The following SSH2 variants were observed in gnomAD, a reference collection of about 807,000 sequenced individuals.
SSH2 encodes slingshot protein phosphatase 2, also known as protein phosphatase Slingshot homolog 2.
In SSH2, 37 loss-of-function variants were observed where a neutral mutation model predicts 135.2. That is an observed-to-expected ratio of 0.27 (90% CI 0.21 to 0.36). SSH2 has a LOEUF of 0.36. Among genes scored for constraint, SSH2 ranks in the 10% least tolerant of loss-of-function variants. The probability of loss-of-function intolerance (pLI) is 1.00; values close to 1 mark genes in which losing one functional copy is unlikely to be tolerated. For synonymous variants in SSH2, 628 were observed against 646.2 expected (o/e 0.97, Z 0.43); for missense variants, 1,408 against 1,765.3 (o/e 0.80, Z 3.63).
intron 2 of SSH2, among the ~76,000 whole-genome samples, chr17:29,826,971 A>G (rs1484323492): frequency 1.3e-5 from 2 of 152,154 alleles, no homozygotes; most frequent in Non-Finnish European, 2.9e-5. Flanking sequence ...CTACCAAGAG[A>G]GCTCGACTTT....
At chr17:29,659,608 C>T (rs182393134) in intron 11 of SSH2, among the ~76,000 whole-genome samples, 1 of 152,316 alleles carries the variant, frequency 6.6e-6, no homozygotes, top group African/African-American at 2.4e-5. Flanking sequence ...ACTGCAAGCT[C>T]CACCTCCCGG....
Position 29,705,377 on chromosome 17 carries a change from T to C in SSH2, c.189-2315A>G, listed in dbSNP as rs201027466. ...CCATGTTCCCATCACATTTGAGCTT[T>C]AATTTGTGGCAAATTTTGTTTCTTC... On this transcript the variant is annotated intron_variant, in intron 3 of 15. Coordinates refer to ENST00000540801, the MANE Select transcript of SSH2 (RefSeq NM_001282129.2). 2.0e-5 allele frequency among the ~76,000 whole-genome samples: 3 copies of C among 152,196 alleles called. No homozygotes were observed. In the East Asian group the frequency reaches 5.8e-4, roughly 29 times the overall value.
At chr17:29,765,970 A>G (rs907060931) in intron 3 of SSH2, among the ~76,000 whole-genome samples, 1 of 149,044 alleles carries the variant, frequency 6.7e-6, no homozygotes, top group African/African-American at 2.5e-5. Context: ...CAGTGAGCCA[A>G]GATCGCACTG....
rs752691137 is a variant in SSH2 at position 29,761,843 on chromosome 17, A to ATGTGTGTG, written c.188+32043_188+32050dup. 9.0e-3 allele frequency among the ~76,000 whole-genome samples: 1,287 copies of ATGTGTGTG among 142,454 alleles called. 16 individuals are homozygous for ATGTGTGTG. Among genetic ancestry groups the ATGTGTGTG allele is most frequent in the African/African-American group, 0.032 (1,186 of 37,022 alleles). 93.5% of individuals were successfully genotyped at this position (142,454 alleles called of 152,430 possible). ...ATTCAGAGATTACACTCACATACAT[A>ATGTGTGTG]TGTGTGTGTGTGTGTGTGTGTGTGT... On this transcript the variant is annotated intron_variant, in intron 3 of 15. Transcript: ENST00000540801.
At chr17:29,895,011 C>T (rs904963568) in intron 1 of SSH2, among the ~76,000 whole-genome samples, 11 of 151,344 alleles carry the variant, frequency 7.3e-5, no homozygotes, top group African/African-American at 2.4e-4. Flanking sequence ...GTCTCATCTC[C>T]CATCATGCCC....
chr17:29,783,258 AATATAATATTTATATTTATATATTATAT>A (rs543573664), intron 3 of SSH2, among the ~76,000 whole-genome samples: 1,960 of 147,178 alleles, frequency 0.013, 27 homozygotes, highest in South Asian at 0.046. Flanking sequence ...ACTTTATATA[AATATAATATTTATATTTATATATTATAT>A]ATATAATATT....
intron 1 of SSH2, among the ~76,000 whole-genome samples, chr17:29,900,213 T>C (rs2066523905): frequency 6.6e-6 from 1 of 152,200 alleles, no homozygotes; most frequent in African/African-American, 2.4e-5. Flanking sequence ...ATTCAGGACA[T>C]AGGCATGGGC....
chr17:29,846,739 G>A (rs2043139138), intron 2 of SSH2, among the ~76,000 whole-genome samples: 1 of 152,206 alleles, frequency 6.6e-6, no homozygotes, highest in Non-Finnish European at 1.5e-5. Flanking sequence ...GCCAGCCTAA[G>A]TGCAGGTAGT....
Position 29,684,656 on chromosome 17 carries a change from T to C in SSH2, c.386A>G (p.Asn129Ser). ...AACCACTACCATATAGCGTGTTCGA[T>C]TCTGGTAAGTACTTTCCAGTCTTAC... ...LAVRLESTYQ[N>S]RTRYMVVVST... Residue 129 changes from asparagine to serine, a missense_variant, in exon 6 of 16, where the codon AAT becomes AGT. This residue lies in a region of SSH2 where 222 missense variants were observed against 355.6 expected (regional missense o/e 0.62). Transcript: ENST00000540801. 6.2e-7 allele frequency: 1 copy of C among 1,613,112 alleles called. No homozygotes were observed. Among genetic ancestry groups the C allele is most frequent in the Non-Finnish European group, 8.5e-7 (1 of 1,179,378 alleles).
intron 3 of SSH2, among the ~76,000 whole-genome samples, chr17:29,728,806 G>A (rs946124117): frequency 6.6e-6 from 1 of 152,168 alleles, no homozygotes; most frequent in Non-Finnish European, 1.5e-5. Context: ...GGAAAGGAGA[G>A]TCTCTTCAAT....
At chr17:29,913,602 T>C (rs2066826135) in intron 1 of SSH2, among the ~76,000 whole-genome samples, 1 of 150,744 alleles carries the variant, frequency 6.6e-6, no homozygotes, top group South Asian at 2.1e-4. Flanking sequence ...ATTCCAATAA[T>C]AAAGAGTCCA....
At chr17:29,770,733 A>G (rs1007847897) in intron 3 of SSH2, among the ~76,000 whole-genome samples, 2 of 152,020 alleles carry the variant, frequency 1.3e-5, no homozygotes, top group African/African-American at 2.4e-5. Flanking sequence ...TCGGCCTCCT[A>G]AAGTGCTGGG....
rs570690828 is a variant in SSH2, at chr17:29,777,035, A to C, written c.188+16859T>G. 2.0e-5 allele frequency among the ~76,000 whole-genome samples: 3 copies of C among 152,140 alleles called. No homozygotes were observed. In the East Asian group the frequency reaches 5.8e-4, roughly 29 times the overall value. Reference sequence around the variant, plus strand: ...AAGACCAGCCTGGCCAACATGGTGAAACCTTGTCTCTACTAAAAATACAAA... The same window carrying C: ...AAGACCAGCCTGGCCAACATGGTGACACCTTGTCTCTACTAAAAATACAAA... On this transcript the variant is annotated intron_variant, in intron 3 of 15. Coordinates refer to ENST00000540801, the MANE Select transcript of SSH2 (RefSeq NM_001282129.2).
At chr17:29,887,219 G>T (rs534781471) in intron 1 of SSH2, among the ~76,000 whole-genome samples, 1 of 152,176 alleles carries the variant, frequency 6.6e-6, no homozygotes, top group African/African-American at 2.4e-5. Flanking sequence ...ATAAAAGCAA[G>T]CTATTAGCAT....
At chr17:29,809,684 T>C (rs1050092833) in intron 2 of SSH2, among the ~76,000 whole-genome samples, 1 of 151,892 alleles carries the variant, frequency 6.6e-6, no homozygotes, top group Non-Finnish European at 1.5e-5. Flanking sequence ...GCCTCCTGAG[T>C]AACTGAGACT....
chr17:29,780,852 G>T (rs994153300), intron 3 of SSH2, among the ~76,000 whole-genome samples: 3 of 150,070 alleles, frequency 2.0e-5, no homozygotes, highest in Non-Finnish European at 4.4e-5. Flanking sequence ...TCGCTCTGTC[G>T]CCCAGGCTGG....
intron 1 of SSH2, among the ~76,000 whole-genome samples, chr17:29,872,291 C>T (rs1176818333): frequency 6.6e-6 from 1 of 152,168 alleles, no homozygotes; most frequent in Non-Finnish European, 1.5e-5. Context: ...CACAGTATAA[C>T]ATCAACATGA....
chr17:29,647,897 A>G, intron 14 of SSH2: 1 of 426,610 alleles, frequency 2.3e-6, no homozygotes, highest in Non-Finnish European at 4.3e-6. Flanking sequence ...TCCTGACCTC[A>G]AATGATCCGC....
intron 3 of SSH2, among the ~76,000 whole-genome samples, chr17:29,781,838 T>G (rs1255835046): frequency 6.6e-6 from 1 of 150,720 alleles, no homozygotes; most frequent in East Asian, 1.9e-4. Flanking sequence ...CTCTCTCTCC[T>G]CTCTCTCTCT....
Sources: gnomAD v4.1 joint callset for allele counts (sites outside exome capture counted in the v4.1 genomes callset) on GRCh38, gnomAD v4.1.1 for gene constraint, gnomAD v4.1.1 regional missense constraint, MANE v1.5 for transcripts, NCBI Gene and HGNC (gene_info 2026-07-23, HGNC 2026-07-21) for gene names.